The following SEZ6L variants were observed in gnomAD, a reference collection of about 807,000 sequenced individuals.
The protein encoded by SEZ6L is seizure related 6 homolog like.
Under a neutral mutation model 106.2 loss-of-function variants are expected in SEZ6L, and 37 were observed. That is an observed-to-expected ratio of 0.35 (90% CI 0.27 to 0.46). The LOEUF is 0.46. Ranked by LOEUF, SEZ6L falls within the 20% of genes least tolerant of loss-of-function variation. SEZ6L has a pLI of 1.00. For synonymous variants in SEZ6L, 541 were observed against 570.4 expected (o/e 0.95, Z 0.73); for missense variants, 1,172 against 1,332.8 (o/e 0.88, Z 1.88).
At chr22:26,203,817 G>A (rs978283536) in intron 1 of SEZ6L, among the ~76,000 whole-genome samples, 4 of 152,190 alleles carry the variant, frequency 2.6e-5, no homozygotes, top group Non-Finnish European at 5.9e-5. Flanking sequence ...GGACCTCTAA[G>A]TGAGGTGCAG....
intron 1 of SEZ6L, among the ~76,000 whole-genome samples, chr22:26,228,331 G>A (rs1280384054): frequency 6.6e-6 from 1 of 152,210 alleles, no homozygotes; most frequent in Non-Finnish European, 1.5e-5. Flanking sequence ...TCAGAGTGGG[G>A]AAATGTGGTC....
intron 1 of SEZ6L, among the ~76,000 whole-genome samples, chr22:26,282,502 T>C (rs2080803496): frequency 6.6e-6 from 1 of 152,202 alleles, no homozygotes; most frequent in South Asian, 2.1e-4. Flanking sequence ...GGATCTCCAG[T>C]CTGACCTGTT....
chr22:26,240,527 T>C (rs1429480727), intron 1 of SEZ6L, among the ~76,000 whole-genome samples: 1 of 152,212 alleles, frequency 6.6e-6, no homozygotes, highest in Non-Finnish European at 1.5e-5. Flanking sequence ...CATCCAGTCC[T>C]GACAGACAGT....
intron 1 of SEZ6L, among the ~76,000 whole-genome samples, chr22:26,278,382 A>G (rs1213015539): frequency 1.3e-5 from 2 of 152,346 alleles, no homozygotes; most frequent in Middle Eastern, 3.4e-3. Context: ...TAGTGTACCC[A>G]TTACCAAAAT....
chr22:26,377,558 T>C (rs1162201087), intron 15 of SEZ6L, 115 bp from the exon 16 acceptor site: 12 of 802,038 alleles, frequency 1.5e-5, no homozygotes, highest in Non-Finnish European at 2.6e-5. Context: ...CACATCCTCG[T>C]CGTCATTCAC....
intron 12 of SEZ6L, chr22:26,351,527 T>TTGTG: frequency 4.4e-6 from 1 of 227,494 alleles, no homozygotes; most frequent in East Asian, 9.5e-5. Context: ...GTTTGTTTGT[T>TTGTG]TGTTTGTTTG....
chr22:26,350,130 T>C (rs950502277), intron 11 of SEZ6L, among the ~76,000 whole-genome samples: 1 of 151,610 alleles, frequency 6.6e-6, no homozygotes, highest in Non-Finnish European at 1.5e-5. Flanking sequence ...TGCAACCTTA[T>C]ACATAGGTCT....
Position 26,343,284 on chromosome 22 carries a change from G to A in SEZ6L, c.2212+2652G>A, listed in dbSNP as rs938081028. ...TTTTTGCTCATTTATCTCCCCTAGC[G>A]CCCAAGTCAGTATTCCAAACCTGCA... On this transcript the variant is annotated intron_variant, in intron 10 of 16. Transcript: ENST00000248933. Among the ~76,000 whole-genome samples the A allele has an allele frequency of 4.9e-5, 7 of 142,212 alleles. 1 individual carries two copies. The highest frequency in any genetic ancestry group is 7.5e-5 in the Non-Finnish European group (5 of 66,710). The allele number at this position is 142,212 out of a possible 152,430, so 93.3% of individuals were successfully genotyped here. A position where few individuals can be genotyped will look rare whatever the true frequency, so the allele number is the denominator to read the frequency against.
At chr22:26,266,748 G>A (rs930266064) in intron 1 of SEZ6L, among the ~76,000 whole-genome samples, 1 of 152,008 alleles carries the variant, frequency 6.6e-6, no homozygotes, top group Admixed American at 6.5e-5. Context: ...ACTTAGGGCA[G>A]AGACCAGGTC....
chr22:26,316,356 G>GA (rs2081996624), intron 9 of SEZ6L, among the ~76,000 whole-genome samples: 1 of 152,182 alleles, frequency 6.6e-6, no homozygotes. Flanking sequence ...ACAGTTGTGA[G>GA]AAAAACAGGG....
At chr22:26,366,282 C>T (rs1255259095) in intron 13 of SEZ6L, among the ~76,000 whole-genome samples, 1 of 151,728 alleles carries the variant, frequency 6.6e-6, no homozygotes, top group African/African-American at 2.4e-5. Context: ...TGCAGTGAGC[C>T]GAGGTGGCTC....
At chr22:26,229,826 CT>C (rs1327380901) in intron 1 of SEZ6L, among the ~76,000 whole-genome samples, 2 of 152,196 alleles carry the variant, frequency 1.3e-5, no homozygotes, top group East Asian at 3.8e-4. Flanking sequence ...GGACGTCAGG[CT>C]AGGGCTGTTC....
At chr22:26,283,436 C>T (rs192963736) in intron 1 of SEZ6L, among the ~76,000 whole-genome samples, 10 of 152,094 alleles carry the variant, frequency 6.6e-5, no homozygotes, top group Non-Finnish European at 1.2e-4. Context: ...CGAAAGCCCA[C>T]GGCTTCTAAG....
chr22:26,320,958 G>T (rs1260639994), intron 9 of SEZ6L, among the ~76,000 whole-genome samples: 1 of 152,132 alleles, frequency 6.6e-6, no homozygotes, highest in East Asian at 1.9e-4. Context: ...AAATATCAAC[G>T]GTGTTGAAGC....
At chr22:26,283,478 G>T (rs2080838593) in intron 1 of SEZ6L, among the ~76,000 whole-genome samples, 1 of 152,232 alleles carries the variant, frequency 6.6e-6, no homozygotes, top group African/African-American at 2.4e-5. Flanking sequence ...CTAATGTAAT[G>T]GAATACTATA....
At chr22:26,183,740 A>G (rs1479036579) in intron 1 of SEZ6L, among the ~76,000 whole-genome samples, 1 of 152,186 alleles carries the variant, frequency 6.6e-6, no homozygotes, top group African/African-American at 2.4e-5. Context: ...CCTGAGCAGA[A>G]CTGCAGAGAA....
intron 5 of SEZ6L, among the ~76,000 whole-genome samples, chr22:26,303,132 G>A (rs114253146): frequency 0.012 from 1,788 of 152,296 alleles, 44 homozygotes; most frequent in African/African-American, 0.041. Context: ...TTCAACCTAG[G>A]GCTGGCTTAT....
At chr22:26,294,713 C>T (rs539180365) in intron 3 of SEZ6L, among the ~76,000 whole-genome samples, 7 of 115,612 alleles carry the variant, frequency 6.1e-5, no homozygotes, top group Non-Finnish European at 1.0e-4. Flanking sequence ...CACGCATGCA[C>T]GTGCATAAAC....
intron 1 of SEZ6L, among the ~76,000 whole-genome samples, chr22:26,276,275 T>G (rs1187944629): frequency 2.6e-5 from 4 of 152,188 alleles, no homozygotes; most frequent in African/African-American, 9.7e-5. Flanking sequence ...TGTCCAAACT[T>G]TACAAAGCAG....
Sources: gnomAD v4.1 joint callset for allele counts (sites outside exome capture counted in the v4.1 genomes callset) on GRCh38, gnomAD v4.1.1 for gene constraint, MANE v1.5 for transcripts, NCBI Gene and HGNC (gene_info 2026-07-23, HGNC 2026-07-21) for gene names.